MINK1: variants seen among roughly 807,000 people sequenced by gnomAD.
MINK1 encodes the protein misshapen-like kinase 1.
Under a neutral mutation model 178.4 loss-of-function variants are expected in MINK1, and 46 were observed. The ratio of observed to expected loss-of-function variants is 0.26; its 90% CI spans 0.20 to 0.33. The LOEUF is 0.33. MINK1 is among the 10% of genes least tolerant of loss of function. The pLI, the probability that MINK1 is intolerant of heterozygous loss-of-function variation, is 1.00. For synonymous variants in MINK1, 797 were observed against 709.7 expected, an observed-to-expected ratio of 1.12 and a Z score of -1.96; for missense variants, 1,366 against 1,814.9, an observed-to-expected ratio of 0.75 and a Z score of 4.49.
At position 4,887,502 on chromosome 17, in the gene MINK1, TCAGG is replaced by T; in HGVS notation, c.1020-76_1020-73del. ...GCTTTGATCCAGTTAAAGCACCCAC[TCAGG>T]CGGGCCCACGGGGTTGAGAGTGGGA... On this transcript the variant is annotated intron_variant, in intron 11 of 31. Coordinates refer to ENST00000355280, the MANE Select transcript of MINK1 (RefSeq NM_153827.5). The surrounding 1 kb of genome is among the most constrained non-coding windows in gnomAD (Gnocchi z 7.6). The T allele has an allele frequency of 7.5e-7, 1 of 1,331,948 alleles. No homozygotes were observed. Among genetic ancestry groups the T allele is most frequent in the South Asian group, 1.6e-5 (1 of 63,394 alleles). The allele number at this position is 1,331,948 out of a possible 1,614,324, so 82.5% of individuals were successfully genotyped here.
intron 13 of MINK1, chr17:4,890,212 C>CCA: frequency 8.1e-7 from 1 of 1,229,220 alleles, no homozygotes; most frequent in Non-Finnish European, 1.0e-6. Context: ...CCCCACACCC[C>CCA]GTCCCCCAGG....
chr17:4,853,744 C>T (rs1411276856), intron 1 of MINK1, among the ~76,000 whole-genome samples: 2 of 152,002 alleles, frequency 1.3e-5, no homozygotes, highest in Admixed American at 6.6e-5. Context: ...CTGCTGATCT[C>T]GGACGGAAAC....
rs532654672 is a variant in MINK1, at chr17:4,878,461, G to C, written c.123+79G>C. ...AGGAGTGGAAGGAAGTAGATTCCTG[G>C]TCTGCAGGTCTGAAGGGGGCTATGG... On this transcript the variant is annotated intron_variant, in intron 2 of 31. Coordinates refer to ENST00000355280, the MANE Select transcript of MINK1 (RefSeq NM_153827.5). 9.3e-6 allele frequency: 12 copies of C among 1,289,158 alleles called. No homozygotes were observed. In the East Asian group the frequency reaches 2.9e-4, roughly 31 times the overall value. 79.9% of individuals were successfully genotyped at this position (1,289,158 alleles called of 1,614,324 possible). A position where few individuals can be genotyped will look rare whatever the true frequency, so the allele number is the denominator to read the frequency against.
chr17:4,875,075 T>G (rs1967059283), intron 1 of MINK1: 1 of 519,988 alleles, frequency 1.9e-6, no homozygotes, highest in South Asian at 1.4e-5. Flanking sequence ...TACAGTTTGA[T>G]TCAAGAAAGG....
At chr17:4,860,350 C>A (rs1049012314) in intron 1 of MINK1, among the ~76,000 whole-genome samples, 1 of 152,208 alleles carries the variant, frequency 6.6e-6, no homozygotes, top group African/African-American at 2.4e-5. Context: ...GTTTCACCTT[C>A]TCTCCTTTTC....
chr17:4,860,523 C>G (rs573502468), intron 1 of MINK1, among the ~76,000 whole-genome samples: 7 of 152,290 alleles, frequency 4.6e-5, no homozygotes, highest in Admixed American at 2.0e-4. Flanking sequence ...TCAGTCTGTA[C>G]TACTACTACT....
chr17:4,884,288 G>T lies in MINK1; in HGVS notation c.307-75G>T. ...TCTCTTATCCTCCTCCAGGAGTCTA[G>T]CAGGGGATTGGGGCAGGGGTGGGAG... On this transcript the variant is annotated intron_variant, in intron 4 of 31. Transcript: ENST00000355280. 3 of 1,150,380 alleles carry T rather than the reference G, an allele frequency of 2.6e-6. No homozygotes were observed. In the East Asian group the frequency reaches 7.1e-5, roughly 27 times the overall value. 71.3% of individuals were successfully genotyped at this position (1,150,380 alleles called of 1,614,324 possible).
chr17:4,847,265 C>CATTT (rs2150780996), intron 1 of MINK1: 1 of 455,916 alleles, frequency 2.2e-6, no homozygotes, highest in Middle Eastern at 4.7e-4. Context: ...TTCATTCATT[C>CATTT]AGATGGAGTC....
chr17:4,882,640 T>C (rs976564465), intron 4 of MINK1, among the ~76,000 whole-genome samples: 50 of 152,324 alleles, frequency 3.3e-4, no homozygotes, highest in African/African-American at 1.1e-3. Flanking sequence ...GCTTTGCGGG[T>C]CATATTTGCT....
Position 4,884,852 on chromosome 17 carries a change from A to T in MINK1, c.418-60A>T, listed in dbSNP as rs1362429516. The T allele has an allele frequency of 2.0e-6, 3 of 1,463,896 alleles. No individual in the cohort carries two copies. In the East Asian group the frequency reaches 6.9e-5, roughly 34 times the overall value. 90.7% of individuals were successfully genotyped at this position (1,463,896 alleles called of 1,614,324 possible). A position where few individuals can be genotyped will look rare whatever the true frequency, so the allele number is the denominator to read the frequency against. On this transcript the variant is annotated intron_variant, in intron 5 of 31. Transcript: ENST00000355280. ...TCCTTGTCCCCTCAACTCACTCCCCACTTACTCTTTCCTACCCCATCCAAC... is the reference window on the plus strand; with the variant it reads ...TCCTTGTCCCCTCAACTCACTCCCCTCTTACTCTTTCCTACCCCATCCAAC...
At chr17:4,835,414 G>A (rs1909163741) in intron 1 of MINK1, among the ~76,000 whole-genome samples, 1 of 152,138 alleles carries the variant, frequency 6.6e-6, no homozygotes, top group South Asian at 2.1e-4. Flanking sequence ...ATCACCTGAG[G>A]TCAGGAGTTC....
At position 4,895,631 on chromosome 17, in the gene MINK1, C is replaced by G. The variant is rs1045935349; in HGVS notation, c.3230-67C>G. 1.8e-5 allele frequency: 28 copies of G among 1,583,914 alleles called. 1 individual carries two copies. The highest frequency in any genetic ancestry group is 2.2e-5 in the Non-Finnish European group (26 of 1,162,982). ...CCTTGTGGTATGCTGACAGAGGAGG[C>G]CAGGGCGGTGGCATTCGGGCCTCAG... On this transcript the variant is annotated intron_variant, in intron 26 of 31. Transcript: ENST00000355280. The surrounding 1 kb of genome is among the most constrained non-coding windows in gnomAD (Gnocchi z 4.3).
At chr17:4,856,618 A>C (rs1913196516) in intron 1 of MINK1, 1 of 152,208 alleles carries the variant, frequency 6.6e-6, no homozygotes, top group Non-Finnish European at 1.5e-5. Context: ...TGGACAGGCC[A>C]AATCTTTATA....
intron 1 of MINK1, among the ~76,000 whole-genome samples, chr17:4,869,242 ATTATTATTTATTTATTTATTTAT>A (rs1266987901): frequency 2.8e-5 from 4 of 144,668 alleles, no homozygotes; most frequent in Non-Finnish European, 6.0e-5. Context: ...TAATTTTTAA[ATTATTATTTATTTATTTATTTAT>A]TTATTTATTT....
In MINK1 at chr17:4,887,662, G is replaced by C. The variant is rs1196484885; in HGVS notation, c.1102G>C (p.Ala368Pro). The C allele has an allele frequency of 6.4e-7, 1 of 1,567,590 alleles. No individual in the cohort carries two copies. Among genetic ancestry groups the C allele is most frequent in the Non-Finnish European group, 8.6e-7 (1 of 1,157,750 alleles). Residue 368 changes from alanine (A) to proline (P), a missense_variant, in exon 12 of 32, where the codon GCT (alanine) becomes CCT (proline). Around this residue, in one of 14 missense-constraint regions of MINK1, gnomAD observed 56 missense variants for 64.0 expected, o/e 0.87. Coordinates refer to ENST00000355280, the MANE Select transcript of MINK1 (RefSeq NM_153827.5). The surrounding 1 kb of genome is among the most constrained non-coding windows in gnomAD (Gnocchi z 7.6). ...LQQENKSNSE[A>P]LKQQQQLQQQ... ...GCAGGAAAATAAGAGCAACTCAGAG[G>C]CTTTAAAACAGCAGCAGCAGCTGCA...
intron 4 of MINK1, among the ~76,000 whole-genome samples, chr17:4,881,688 C>G (rs1967713653): frequency 6.6e-6 from 1 of 152,274 alleles, no homozygotes; most frequent in African/African-American, 2.4e-5. Context: ...AGACCCCTCC[C>G]AGAACCCCAG....
Position 4,889,697 on chromosome 17 carries a change from G to C in MINK1, c.1281G>C (p.Gln427His), listed in dbSNP as rs1968574215. Residue 427 changes from glutamine to histidine, a missense_variant, in exon 13 of 32, where the codon CAG (glutamine) becomes CAC (histidine). Gln to His is a conservative substitution (Grantham distance 24). Coordinates refer to ENST00000355280, the MANE Select transcript of MINK1 (RefSeq NM_153827.5). ...EQRKLQEKEQQRRLEDMQALR... is the reference protein window; with the variant it reads ...EQRKLQEKEQHRRLEDMQALR... ...GGAAGCTGCAGGAGAAGGAGCAGCA[G>C]CGGCGGCTGGAGGACATGCAGGCTC... 2 of 1,558,710 alleles carry C rather than the reference G, an allele frequency of 1.3e-6. No homozygotes were observed. Among genetic ancestry groups the C allele is most frequent in the Non-Finnish European group, 8.7e-7 (1 of 1,153,902 alleles).
In MINK1 at chr17:4,885,044, C is replaced by T; in HGVS notation, c.508+42C>T. The T allele has an allele frequency of 6.3e-7, 1 of 1,594,936 alleles. No individual in the cohort carries two copies. The highest frequency in any genetic ancestry group is 1.1e-5 in the South Asian group (1 of 90,118). On this transcript the variant is annotated intron_variant, in intron 6 of 31. Coordinates refer to ENST00000355280, the MANE Select transcript of MINK1 (RefSeq NM_153827.5). The surrounding 1 kb of genome is among the most constrained non-coding windows in gnomAD (Gnocchi z 5.0). ...TGAGGCTGACGAGGACCTTTCACCTCCAGAACAGAGAATGAGGGGCCCCTT... is the reference window on the plus strand; with the variant it reads ...TGAGGCTGACGAGGACCTTTCACCTTCAGAACAGAGAATGAGGGGCCCCTT...
Position 4,894,869 on chromosome 17 carries a change from C to A in MINK1, c.2918-206C>A. On this transcript the variant is annotated intron_variant, in intron 24 of 31. Coordinates refer to ENST00000355280, the MANE Select transcript of MINK1 (RefSeq NM_153827.5). The surrounding 1 kb of genome is among the most constrained non-coding windows in gnomAD (Gnocchi z 4.1). ...GACCTGGGCAAAGACTCAAAGCTAA[C>A]AAGTGACAGAAATGGGACTTGAGCC... The A allele has an allele frequency of 1.5e-6, 1 of 665,338 alleles. No individual in the cohort carries two copies. The highest frequency in any genetic ancestry group is 2.5e-6 in the Non-Finnish European group (1 of 394,198). The allele number at this position is 665,338 out of a possible 1,614,324, so 41.2% of individuals were successfully genotyped here. A position where few individuals can be genotyped will look rare whatever the true frequency, so the allele number is the denominator to read the frequency against.
Sources: gnomAD v4.1 joint callset for allele counts (sites outside exome capture counted in the v4.1 genomes callset) on GRCh38, gnomAD v4.1.1 for gene constraint, gnomAD v4.1.1 regional missense constraint, Gnocchi (gnomAD v3.1) non-coding constraint, MANE v1.5 for transcripts, NCBI Gene and HGNC (gene_info 2026-07-23, HGNC 2026-07-21) for gene names.